The following ABCC5 variants were observed in gnomAD, a reference collection of about 807,000 sequenced individuals.
ABCC5 encodes the protein ATP binding cassette subfamily C member 5.
A neutral mutation model predicts 160.9 loss-of-function variants in ABCC5; 61 were observed. That is an observed-to-expected ratio of 0.38 (90% CI 0.31 to 0.47). The LOEUF (loss-of-function observed/expected upper bound fraction) is 0.47. Ranked by LOEUF, ABCC5 falls within the 20% of genes least tolerant of loss-of-function variation. The pLI is 0.99. For missense variants in ABCC5, 1,308 were observed against 1,813.3 expected (o/e 0.72, Z 5.06); for synonymous variants, 666 against 700.6 (o/e 0.95, Z 0.78).
chr3:183,993,263 C>T lies in ABCC5; in HGVS notation c.130-3880G>A, dbSNP rs1028059350. On this transcript the variant is annotated intron_variant, in intron 2 of 29. Transcript: ENST00000334444. ...ACTTTGGGAGGCAAAGGCAGGCAGA[C>T]TCCTTAGGTCAGGAGTCTGAAACCA... Among the ~76,000 whole-genome samples, 6 of 152,196 alleles carry T rather than the reference C, an allele frequency of 3.9e-5. No individual in the cohort carries two copies. In the East Asian group the frequency reaches 1.2e-3, roughly 29 times the overall value.
chr3:183,939,508 G>T (rs1714082332), intron 25 of ABCC5, among the ~76,000 whole-genome samples: 1 of 152,210 alleles, frequency 6.6e-6, no homozygotes. Context: ...TAAAATTTTA[G>T]TGGTTGCATT....
intron 22 of ABCC5, among the ~76,000 whole-genome samples, chr3:183,948,554 T>C (rs1374986300): frequency 2.0e-5 from 3 of 152,204 alleles, no homozygotes; most frequent in Non-Finnish European, 4.4e-5. Flanking sequence ...ATAGGCAACA[T>C]ATACACAGAA....
intron 8 of ABCC5, 93 bp from the exon 9 acceptor site, chr3:183,978,744 A>G: frequency 2.1e-6 from 3 of 1,431,504 alleles, no homozygotes; most frequent in Non-Finnish European, 9.4e-7. Context: ...GTAGGTCTCC[A>G]GCCACCCTTC....
At position 183,982,784 on chromosome 3, in the gene ABCC5, G is replaced by T; in HGVS notation, c.815C>A (p.Ser272Tyr). The T allele has an allele frequency of 6.2e-7, 1 of 1,614,150 alleles. No homozygotes were observed. Among genetic ancestry groups the T allele is most frequent in the Non-Finnish European group, 8.5e-7 (1 of 1,180,012 alleles). The change falls in exon 6 of 30, where the codon TCC becomes TAC. Residue 272 changes from serine to tyrosine, a missense_variant. Physicochemically the swap from Ser to Tyr is moderately radical, Grantham distance 144. Around this residue, in one of 3 missense-constraint regions of ABCC5, gnomAD observed 1,142 missense variants for 1,527.1 expected, o/e 0.75. Transcript: ENST00000334444. The surrounding 1 kb of genome is among the most constrained non-coding windows in gnomAD (Gnocchi z 5.2). ...ACACCCCTCACTCACCTCACCCAGG[G>T]ATTTCTCTTTAATGTTCTTTAACTT... ...ILKLKNIKEK[S>Y]LGELINICSN...
At chr3:183,924,007 TTGC>T in intron 29 of ABCC5, among the ~76,000 whole-genome samples, 1 of 125,544 alleles carries the variant, frequency 8.0e-6, no homozygotes, top group Non-Finnish European at 1.7e-5. Context: ...TTTTTACTGT[TTGC>T]TTTTTTTTTT....
chr3:183,964,361 G>A (rs1323240568), intron 14 of ABCC5, among the ~76,000 whole-genome samples: 1 of 152,208 alleles, frequency 6.6e-6, no homozygotes, highest in South Asian at 2.1e-4. Context: ...CCTAATAAAT[G>A]TTACTAAATG....
chr3:183,935,463 A>C (rs1046887555), intron 26 of ABCC5, among the ~76,000 whole-genome samples: 1 of 151,310 alleles, frequency 6.6e-6, no homozygotes, highest in African/African-American at 2.4e-5. Flanking sequence ...TACAGGTGTG[A>C]GCCACCGCAC....
intron 12 of ABCC5, 128 bp downstream of exon 12, chr3:183,967,567 G>A: frequency 1.3e-6 from 1 of 796,136 alleles, no homozygotes; most frequent in South Asian, 1.5e-5. Flanking sequence ...GGGATTGGGG[G>A]CATACAATGC....
At chr3:183,978,294 G>T (rs1228131617) in intron 9 of ABCC5, among the ~76,000 whole-genome samples, 1 of 150,080 alleles carries the variant, frequency 6.7e-6, no homozygotes, top group Non-Finnish European at 1.5e-5. Flanking sequence ...GAGGACCACA[G>T]CATCATCTCC....
At chr3:183,943,549 G>A (rs1486702124) in intron 24 of ABCC5, among the ~76,000 whole-genome samples, 1 of 152,126 alleles carries the variant, frequency 6.6e-6, no homozygotes, top group Non-Finnish European at 1.5e-5. Flanking sequence ...ATAACTGCTT[G>A]GGTAATTTTT....
In ABCC5 at chr3:183,963,484, G is replaced by A; in HGVS notation, c.2136C>T (p.Leu712=). ...DRSIYILDDP[L]SALDAHVGNH... ...TGCCCACATGGGCATCTAAGGCACT[G>A]AGGGGGTCGTCCAGGATGTAGATGC... Residue 712 remains leucine (L), a synonymous_variant, in exon 15 of 30, where the codon CTC becomes CTT. Coordinates refer to ENST00000334444, the MANE Select transcript of ABCC5 (RefSeq NM_005688.4). This position sits in a 1 kb window ranked among gnomAD's most constrained non-coding sequence, Gnocchi z 4.6. The A allele has an allele frequency of 6.2e-7, 1 of 1,614,264 alleles. No individual in the cohort carries two copies. Among genetic ancestry groups the A allele is most frequent in the Non-Finnish European group, 8.5e-7 (1 of 1,180,042 alleles).
At chr3:183,981,676 A>G (rs1718755136) in intron 8 of ABCC5, 51 bp downstream of exon 8, 2 of 1,593,526 alleles carry the variant, frequency 1.3e-6, no homozygotes, top group African/African-American at 2.7e-5. Context: ...ATAAGACCCA[A>G]AGAATCCAAG....
intron 24 of ABCC5, among the ~76,000 whole-genome samples, chr3:183,943,311 T>C (rs1257799594): frequency 6.6e-6 from 1 of 152,236 alleles, no homozygotes; most frequent in African/African-American, 2.4e-5. Flanking sequence ...TTGATAATCA[T>C]TGGCTTAAAT....
Position 183,942,739 on chromosome 3 carries a change from G to A in ABCC5, c.3682C>T (p.Arg1228Trp). The change falls in exon 25 of 30, where the codon CGG becomes TGG. Residue 1228 changes from arginine to tryptophan, a missense_variant. Around this residue, in one of 3 missense-constraint regions of ABCC5, gnomAD observed 163 missense variants for 269.7 expected, o/e 0.60. Transcript: ENST00000334444. ...KPKEKIGIVG[R>W]TGSGKSSLGM... is the part of the protein sequence containing the mutation. The stretch of plus-strand genomic sequence containing the variant: ...TGCACATCCTTACCTGATCCTGTCC[G>A]CCCCACAATGCCAATCTTCTCTTTA... 3 of 1,613,734 alleles carry A rather than the reference G, an allele frequency of 1.9e-6. No homozygotes were observed. The highest frequency in any genetic ancestry group is 1.7e-6 in the Non-Finnish European group (2 of 1,179,748).
chr3:183,969,624 A>G (rs1280481072), intron 11 of ABCC5, among the ~76,000 whole-genome samples: 2 of 150,954 alleles, frequency 1.3e-5, no homozygotes, highest in Non-Finnish European at 2.9e-5. Context: ...CCCGGGAGGC[A>G]GAGGTTGCAG....
At chr3:184,008,858 C>CT (rs1467760199) in intron 2 of ABCC5, among the ~76,000 whole-genome samples, 1 of 151,158 alleles carries the variant, frequency 6.6e-6, no homozygotes, top group African/African-American at 2.5e-5. Context: ...TTCTTTCTTT[C>CT]TTTATTTTTT....
intron 17 of ABCC5, 101 bp downstream of exon 17, chr3:183,959,632 T>C: frequency 1.1e-6 from 1 of 893,732 alleles, no homozygotes; most frequent in Non-Finnish European, 1.7e-6. Flanking sequence ...AGTATTTATA[T>C]TGTACACACA....
At chr3:183,947,198 GC>G in intron 23 of ABCC5, 125 bp downstream of exon 23, 1 of 1,038,836 alleles carries the variant, frequency 9.6e-7, no homozygotes, top group Non-Finnish European at 1.3e-6. Context: ...CAGACCATGA[GC>G]AATTCTAGGG....
intron 8 of ABCC5, 31 bp downstream of exon 8, chr3:183,981,696 C>T: frequency 6.2e-7 from 1 of 1,605,680 alleles, no homozygotes; most frequent in East Asian, 2.2e-5. Flanking sequence ...GGTCCTTCTA[C>T]CACATGCACA....
Sources: gnomAD v4.1 joint callset for allele counts (sites outside exome capture counted in the v4.1 genomes callset) on GRCh38, gnomAD v4.1.1 for gene constraint, gnomAD v4.1.1 regional missense constraint, Gnocchi (gnomAD v3.1) non-coding constraint, MANE v1.5 for transcripts, NCBI Gene and HGNC (gene_info 2026-07-23, HGNC 2026-07-21) for gene names.